Variants in KCNJ6 observed in about 807,000 individuals in gnomAD.
KCNJ6 encodes G protein-activated inward rectifier potassium channel 2.
A neutral mutation model predicts 34.2 loss-of-function variants in KCNJ6; 9 were observed. The observed-to-expected ratio is 0.26, with a 90% CI of 0.16 to 0.46. The LOEUF (loss-of-function observed/expected upper bound fraction) is 0.46. KCNJ6 is among the 20% of genes least tolerant of loss of function. The pLI is 1.00. For missense variants in KCNJ6, 236 were observed against 531.3 expected, an observed-to-expected ratio of 0.44 and a Z score of 5.46; for synonymous variants, 196 against 207.1, an observed-to-expected ratio of 0.95 and a Z score of 0.46.
intron 2 of KCNJ6, among the ~76,000 whole-genome samples, chr21:37,828,142 T>G (rs1024376871): frequency 6.6e-6 from 1 of 152,232 alleles, no homozygotes; most frequent in Non-Finnish European, 1.5e-5. Flanking sequence ...AGAGAAATTC[T>G]GAGTCAATAT....
intron 2 of KCNJ6, among the ~76,000 whole-genome samples, chr21:37,834,150 C>T (rs2055440417): frequency 6.6e-6 from 1 of 152,206 alleles, no homozygotes; most frequent in Non-Finnish European, 1.5e-5. Flanking sequence ...GCCATGATGC[C>T]TCAGTGGATT....
At chr21:37,642,000 A>G (rs570590098) in intron 3 of KCNJ6, among the ~76,000 whole-genome samples, 1 of 152,342 alleles carries the variant, frequency 6.6e-6, no homozygotes, top group African/African-American at 2.4e-5. Context: ...CATGGGCAAC[A>G]GGACGGATGG....
intron 2 of KCNJ6, among the ~76,000 whole-genome samples, chr21:37,723,533 TTGG>T (rs1267152840): frequency 1.3e-5 from 2 of 152,344 alleles, no homozygotes; most frequent in Admixed American, 6.5e-5. Context: ...GTGCCCATCA[TTGG>T]TGGACTGGTT....
At chr21:37,628,838 G>C (rs2054321887) in intron 3 of KCNJ6, among the ~76,000 whole-genome samples, 1 of 152,102 alleles carries the variant, frequency 6.6e-6, no homozygotes, top group African/African-American at 2.4e-5. Flanking sequence ...GATATTAATA[G>C]CTTATTCCTC....
At chr21:37,655,143 T>C (rs1299024520) in intron 3 of KCNJ6, among the ~76,000 whole-genome samples, 3 of 150,376 alleles carry the variant, frequency 2.0e-5, no homozygotes, top group South Asian at 2.1e-4. Flanking sequence ...AGTCCTGCCA[T>C]GGTCTTAGAA....
At chr21:37,790,095 C>A (rs913826819) in intron 2 of KCNJ6, among the ~76,000 whole-genome samples, 9 of 152,182 alleles carry the variant, frequency 5.9e-5, no homozygotes, top group Non-Finnish European at 4.4e-5. Context: ...TTTGATGGGT[C>A]AGACTCAAGT....
intron 2 of KCNJ6, among the ~76,000 whole-genome samples, chr21:37,745,951 C>T (rs941137693): frequency 1.3e-5 from 2 of 152,194 alleles, no homozygotes; most frequent in Admixed American, 1.3e-4. Flanking sequence ...GTTCTGAAGG[C>T]TGGGAAACCC....
intron 3 of KCNJ6, among the ~76,000 whole-genome samples, chr21:37,649,388 T>C (rs2054421728): frequency 1.3e-5 from 2 of 152,182 alleles, no homozygotes; most frequent in Admixed American, 6.5e-5. Context: ...TCAGAACACA[T>C]TATAATTGTA....
intron 2 of KCNJ6, among the ~76,000 whole-genome samples, chr21:37,751,570 C>T (rs146897701): frequency 4.6e-5 from 7 of 152,328 alleles, no homozygotes; most frequent in Admixed American, 2.6e-4. Flanking sequence ...GAGCAGACTG[C>T]GAGGCTGTAA....
At chr21:37,761,421 GTGTGT>G (rs1054946865) in intron 2 of KCNJ6, among the ~76,000 whole-genome samples, 37 of 151,126 alleles carry the variant, frequency 2.4e-4, no homozygotes, top group African/African-American at 5.8e-4. Flanking sequence ...TATGTGGTGT[GTGTGT>G]TGTGTTGTGT....
Position 37,812,043 on chromosome 21 carries a change from A to G in KCNJ6, c.25+28615T>C, listed in dbSNP as rs575539177. The stretch of plus-strand genomic sequence containing the variant: ...TAGAAAGAAGGGAATAGTCTCAGAC[A>G]TGGAATAGCTAAACTACTGAAAGAA... On this transcript the variant is annotated intron_variant, in intron 2 of 3. Transcript: ENST00000609713. Among the ~76,000 whole-genome samples, 5 of 152,366 alleles carry G rather than the reference A, an allele frequency of 3.3e-5. No individual in the cohort carries two copies. The South Asian group carries it at 1.0e-3, about 32-fold the overall frequency.
chr21:37,634,834 T>C, intron 3 of KCNJ6, among the ~76,000 whole-genome samples: 1 of 151,524 alleles, frequency 6.6e-6, no homozygotes, highest in East Asian at 2.0e-4. Flanking sequence ...TCTTGGCTCA[T>C]TGCAGTTTCT....
At chr21:37,782,179 G>A (rs778586950) in intron 2 of KCNJ6, among the ~76,000 whole-genome samples, 6 of 152,124 alleles carry the variant, frequency 3.9e-5, no homozygotes, top group Non-Finnish European at 7.4e-5. Flanking sequence ...ATGGGGCCAT[G>A]AGCCAAGGAG....
At chr21:37,840,302 G>A (rs1005296075) in intron 2 of KCNJ6, among the ~76,000 whole-genome samples, 4 of 152,126 alleles carry the variant, frequency 2.6e-5, no homozygotes, top group African/African-American at 4.8e-5. Flanking sequence ...CATCCAGCCC[G>A]TGGAATAGAT....
At chr21:37,888,629 A>G (rs2055747167) in intron 1 of KCNJ6, among the ~76,000 whole-genome samples, 2 of 152,246 alleles carry the variant, frequency 1.3e-5, no homozygotes, top group Non-Finnish European at 2.9e-5. Flanking sequence ...AGAAGGATGT[A>G]TGGGGCCCAT....
At chr21:37,747,043 A>G (rs2054970867) in intron 2 of KCNJ6, among the ~76,000 whole-genome samples, 1 of 152,156 alleles carries the variant, frequency 6.6e-6, no homozygotes. Flanking sequence ...GCACTGTGTG[A>G]GCCCTGCTGG....
chr21:37,890,335 A>G (rs925645450), intron 1 of KCNJ6, among the ~76,000 whole-genome samples: 2 of 152,196 alleles, frequency 1.3e-5, no homozygotes, highest in African/African-American at 4.8e-5. Context: ...CCATGATTCA[A>G]TTACTTCCCA....
At chr21:37,704,258 A>G (rs527914078) in intron 3 of KCNJ6, among the ~76,000 whole-genome samples, 7 of 116,444 alleles carry the variant, frequency 6.0e-5, no homozygotes, top group African/African-American at 1.9e-4. Flanking sequence ...ATCACGAACC[A>G]GCAGCATATT....
At chr21:37,863,771 GA>G (rs200204517) in intron 1 of KCNJ6, among the ~76,000 whole-genome samples, 1 of 136,890 alleles carries the variant, frequency 7.3e-6, no homozygotes, top group African/African-American at 2.8e-5. Context: ...ACTCTTGTAA[GA>G]AAAAAAATGC....
Sources: allele counts gnomAD v4.1 joint callset (sites outside exome capture counted in the v4.1 genomes callset), GRCh38; gene constraint gnomAD v4.1.1; transcripts MANE v1.5; gene names NCBI Gene and HGNC (gene_info 2026-07-23, HGNC 2026-07-21).